Variants in BAK1 observed in about 807,000 individuals in gnomAD.
BAK1 encodes the protein BCL2 antagonist/killer 1.
Under a neutral mutation model 24.7 loss-of-function variants are expected in BAK1, and 19 were observed. That is an observed-to-expected ratio of 0.77 (90% CI 0.54 to 1.13). The LOEUF (loss-of-function observed/expected upper bound fraction) is 1.13, where lower values mean the gene tolerates loss of function less well. Ranked by LOEUF, BAK1 falls within the 50% of genes most tolerant of loss-of-function variation. The probability of loss-of-function intolerance (pLI) is 0.00; values close to 1 mark genes in which losing one functional copy is unlikely to be tolerated. For synonymous variants in BAK1, 86 were observed against 107.3 expected, an observed-to-expected ratio of 0.80 and a Z score of 1.23; for missense variants, 194 against 279.4, an observed-to-expected ratio of 0.69 and a Z score of 2.18.
intron 5 of BAK1, 62 bp from the exon 6 acceptor site, chr6:33,573,969 G>A (rs1201270407): frequency 7.9e-5 from 128 of 1,612,948 alleles, no homozygotes; most frequent in Non-Finnish European, 9.1e-5. Flanking sequence ...CCCGAGGAAG[G>A]GGTGGGGCCT....
chr6:33,574,864 G>T (rs1762817261), intron 4 of BAK1, among the ~76,000 whole-genome samples: 1 of 152,200 alleles, frequency 6.6e-6, no homozygotes, highest in South Asian at 2.1e-4. Flanking sequence ...CAAATATTCG[G>T]TGTCTTTAAC....
rs1762785728 is a variant in BAK1 at position 33,572,860 on chromosome 6, T to C, written c.*943A>G. On this transcript the variant is annotated 3_prime_UTR_variant, in exon 6 of 6. Transcript: ENST00000374467. Reference sequence around the variant, plus strand: ...CCTCTGGGATTCCTAGTGGTGTTGATAGTCCTTCTCCCACTTAGAACCCTC... The same window carrying C: ...CCTCTGGGATTCCTAGTGGTGTTGACAGTCCTTCTCCCACTTAGAACCCTC... 2 of 151,866 alleles carry C rather than the reference T, an allele frequency of 1.3e-5. No homozygotes were observed. The highest frequency in any genetic ancestry group is 4.9e-5 in the African/African-American group (2 of 41,178). The allele number at this position is 151,866 out of a possible 1,614,324, so 9.4% of individuals were successfully genotyped here.
chr6:33,579,691 T>C (rs1762905004), intron 1 of BAK1, among the ~76,000 whole-genome samples: 1 of 152,206 alleles, frequency 6.6e-6, no homozygotes, highest in Non-Finnish European at 1.5e-5. Context: ...GGCCAGGCCC[T>C]GGACCCAGTC....
Position 33,577,442 on chromosome 6 carries a change from C to T in BAK1, c.70+93G>A, listed in dbSNP as rs558472047. 20 of 1,241,170 alleles carry T rather than the reference C, an allele frequency of 1.6e-5. No homozygotes were observed. The highest frequency in any genetic ancestry group is 2.8e-5 in the East Asian group (1 of 35,246). The allele number at this position is 1,241,170 out of a possible 1,614,324, so 76.9% of individuals were successfully genotyped here. ...TATTCCCCACCCACAGTGGGTGAAC[C>T]GAGGCGAAGGAGCCTGCCTGAGTCC... On this transcript the variant is annotated intron_variant, in intron 2 of 5. Transcript: ENST00000374467. This position sits in a 1 kb window ranked among gnomAD's most constrained non-coding sequence, Gnocchi z 4.6.
At chr6:33,574,906 C>A (rs940608732) in intron 4 of BAK1, among the ~76,000 whole-genome samples, 2 of 152,186 alleles carry the variant, frequency 1.3e-5, no homozygotes, top group Admixed American at 6.6e-5. Context: ...CAAGTAGGAG[C>A]CATTTCTAGG....
Position 33,577,668 on chromosome 6 carries a change from G to C in BAK1, c.-31-33C>G. The stretch of plus-strand genomic sequence containing the variant: ...GAAGGGCGAGAAAAAGCAGAGATGG[G>C]GGTGAGCACAGACCTGTGACTGGGG... On this transcript the variant is annotated intron_variant, in intron 1 of 5. Transcript: ENST00000374467. The surrounding 1 kb of genome is among the most constrained non-coding windows in gnomAD (Gnocchi z 4.6). 7.0e-7 allele frequency: 1 copy of C among 1,431,388 alleles called. No individual in the cohort carries two copies. The highest frequency in any genetic ancestry group is 2.5e-5 in the East Asian group (1 of 39,366). The allele number at this position is 1,431,388 out of a possible 1,614,324, so 88.7% of individuals were successfully genotyped here.
rs777335704 is a variant in BAK1, at chr6:33,577,607, T to C, written c.-3A>G. On this transcript the variant is annotated 5_prime_UTR_variant, in exon 2 of 6. Transcript: ENST00000374467. This position sits in a 1 kb window ranked among gnomAD's most constrained non-coding sequence, Gnocchi z 4.6. ...CCTGGGCCTTGCCCCGAAGCCATTT[T>C]TCAGGTCTCAGTGGAGGACGGGATC... 10 of 1,548,704 alleles carry C rather than the reference T, an allele frequency of 6.5e-6. No individual in the cohort carries two copies. Among genetic ancestry groups the C allele is most frequent in the African/African-American group, 5.5e-5 (4 of 72,994 alleles).
Position 33,574,158 on chromosome 6 carries a change from T to C in BAK1, c.407A>G (p.Tyr136Cys), listed in dbSNP as rs1428327139. 6.2e-7 allele frequency: 1 copy of C among 1,614,108 alleles called. No individual in the cohort carries two copies. The highest frequency in any genetic ancestry group is 1.1e-5 in the South Asian group (1 of 91,080). ...CTGGTAGACGTGTAGGGCCAGACGG[T>C]AGCCGAAGCCCAGAAGAGCCACCAC... ...GRVVALLGFG[Y>C]RLALHVYQHG... is the part of the protein sequence containing the mutation. Residue 136 changes from tyrosine (Y) to cysteine (C), a missense_variant, in exon 5 of 6, where the codon TAC (tyrosine) becomes TGC (cysteine). Transcript: ENST00000374467.
chr6:33,575,102 C>T lies in BAK1; in HGVS notation c.350+196G>A, dbSNP rs1762820898. 1.3e-6 allele frequency: 1 copy of T among 772,652 alleles called. No individual in the cohort carries two copies. The highest frequency in any genetic ancestry group is 2.2e-6 in the Non-Finnish European group (1 of 454,730). 47.9% of individuals were successfully genotyped at this position (772,652 alleles called of 1,614,324 possible). ...AGTCAGAGCTCAAAAGAGCTGTGAGCTAATGCCCAAAATACAAGTCTGGGA... is the reference window on the plus strand; with the variant it reads ...AGTCAGAGCTCAAAAGAGCTGTGAGTTAATGCCCAAAATACAAGTCTGGGA... On this transcript the variant is annotated intron_variant, in intron 4 of 5. Transcript: ENST00000374467. This position sits in a 1 kb window ranked among gnomAD's most constrained non-coding sequence, Gnocchi z 6.3.
rs755412880 is a variant in BAK1, at chr6:33,573,792, A to C, written c.*11T>G. On this transcript the variant is annotated 3_prime_UTR_variant, in exon 6 of 6. Coordinates refer to ENST00000374467, the MANE Select transcript of BAK1 (RefSeq NM_001188.4). ...GGTCTGAACCGGGACCCCAAAGGGC[A>C]CCCTTGGGAGTCATGATTTGAAGAA... is the stretch of plus-strand genomic sequence containing the variant. The C allele has an allele frequency of 7.5e-6, 12 of 1,608,318 alleles. No homozygotes were observed. Among genetic ancestry groups the C allele is most frequent in the Non-Finnish European group, 1.0e-5 (12 of 1,174,706 alleles).
At chr6:33,576,662 AC>A (rs1168317930) in intron 2 of BAK1, among the ~76,000 whole-genome samples, 1 of 146,506 alleles carries the variant, frequency 6.8e-6, no homozygotes, top group Non-Finnish European at 1.5e-5. Context: ...AACAACAACA[AC>A]AAAAAAAACA....
Position 33,577,745 on chromosome 6 carries a change from G to T in BAK1, c.-31-110C>A. ...TAGGAGAGAGGATCCCCCATTCCCA[G>T]AAAGGCCCTTAGTCCTCTGGGACTT... On this transcript the variant is annotated intron_variant, in intron 1 of 5. Transcript: ENST00000374467. This position sits in a 1 kb window ranked among gnomAD's most constrained non-coding sequence, Gnocchi z 4.6. 1 of 734,396 alleles carries T rather than the reference G, an allele frequency of 1.4e-6. No homozygotes were observed. The highest frequency in any genetic ancestry group is 2.1e-6 in the Non-Finnish European group (1 of 468,172). 45.5% of individuals were successfully genotyped at this position (734,396 alleles called of 1,614,324 possible).
In BAK1 at chr6:33,577,639, CG is replaced by C. The variant is rs200387920; in HGVS notation, c.-31-5del. 1.7e-3 allele frequency: 2,628 copies of C among 1,523,706 alleles called. 88 individuals are homozygous for C. The East Asian group carries it at 0.06, about 35-fold the overall frequency. 94.4% of individuals were successfully genotyped at this position (1,523,706 alleles called of 1,614,324 possible). A position where few individuals can be genotyped will look rare whatever the true frequency, so the allele number is the denominator to read the frequency against. On this transcript the variant is annotated splice_polypyrimidine_tract_variant and splice_region_variant and intron_variant, in intron 1 of 5. Coordinates refer to ENST00000374467, the MANE Select transcript of BAK1 (RefSeq NM_001188.4). The surrounding 1 kb of genome is among the most constrained non-coding windows in gnomAD (Gnocchi z 4.6). ...CTCAGTGGAGGACGGGATCAGCCTGCGGGGAAGGGCGAGAAAAAGCAGAGAT... is the reference window on the plus strand; with the variant it reads ...CTCAGTGGAGGACGGGATCAGCCTGCGGGAAGGGCGAGAAAAAGCAGAGAT...
intron 4 of BAK1, 187 bp from the exon 5 acceptor site, chr6:33,574,401 G>C: frequency 6.8e-7 from 1 of 1,466,138 alleles, no homozygotes; most frequent in South Asian, 1.2e-5. Flanking sequence ...AGAAAGCTCA[G>C]GGGCAGATGA....
In BAK1 at chr6:33,575,666, AGAG is replaced by A. The variant is rs1762832447; in HGVS notation, c.206+124_206+126del. On this transcript the variant is annotated intron_variant, in intron 3 of 5. Transcript: ENST00000374467. The surrounding 1 kb of genome is among the most constrained non-coding windows in gnomAD (Gnocchi z 6.3). The stretch of plus-strand genomic sequence containing the variant: ...GATGGGGGTGGGAGCCCAACATAAA[AGAG>A]GAGCAACCATGAGAGAAGGGCAAGA... 2 of 1,451,060 alleles carry A rather than the reference AGAG, an allele frequency of 1.4e-6. No individual in the cohort carries two copies. The highest frequency in any genetic ancestry group is 1.4e-5 in the African/African-American group (1 of 70,876). 89.9% of individuals were successfully genotyped at this position (1,451,060 alleles called of 1,614,324 possible).
rs1343488901 is a variant in BAK1, at chr6:33,573,687, T to G, written c.*116A>C. Reference sequence around the variant, plus strand: ...GCCCTCCGAAGCTGGAGTGCACACTTGCTAAAGCTTCTGTACTCTTGAGGG... The same window carrying G: ...GCCCTCCGAAGCTGGAGTGCACACTGGCTAAAGCTTCTGTACTCTTGAGGG... On this transcript the variant is annotated 3_prime_UTR_variant, in exon 6 of 6. Transcript: ENST00000374467. The G allele has an allele frequency of 2.4e-6, 2 of 835,200 alleles. No homozygotes were observed. Among genetic ancestry groups the G allele is most frequent in the Non-Finnish European group, 3.8e-6 (2 of 523,358 alleles). The allele number at this position is 835,200 out of a possible 1,614,324, so 51.7% of individuals were successfully genotyped here.
Position 33,578,936 on chromosome 6 carries a change from AGTGTTTT to A in BAK1, c.-32+1082_-32+1088del, listed in dbSNP as rs1216940812. Among the ~76,000 whole-genome samples the A allele has an allele frequency of 6.6e-6, 1 of 151,660 alleles. No individual in the cohort carries two copies. Among genetic ancestry groups the A allele is most frequent in the African/African-American group, 2.4e-5 (1 of 41,218 alleles). ...CCACCCTCCTTCCGCTAGGCCTGGG[AGTGTTTT>A]CGAAAGTGCCCCAAGAGCTCTCAAG... On this transcript the variant is annotated intron_variant, in intron 1 of 5. Coordinates refer to ENST00000374467, the MANE Select transcript of BAK1 (RefSeq NM_001188.4). This position sits in a 1 kb window ranked among gnomAD's most constrained non-coding sequence, Gnocchi z 4.8.
At position 33,577,215 on chromosome 6, in the gene BAK1, A is replaced by T. The variant is rs965443966; in HGVS notation, c.70+320T>A. On this transcript the variant is annotated intron_variant, in intron 2 of 5. Transcript: ENST00000374467. The surrounding 1 kb of genome is among the most constrained non-coding windows in gnomAD (Gnocchi z 4.6). ...CTTACTTCCTTATTTCTCCCGCTGGAGGGATACAGCAGCCAGGCCCCACTC... is the reference window on the plus strand; with the variant it reads ...CTTACTTCCTTATTTCTCCCGCTGGTGGGATACAGCAGCCAGGCCCCACTC... Among the ~76,000 whole-genome samples the T allele has an allele frequency of 1.3e-5, 2 of 152,074 alleles. No individual in the cohort carries two copies. The highest frequency in any genetic ancestry group is 2.9e-5 in the Non-Finnish European group (2 of 68,000).
At position 33,575,832 on chromosome 6, in the gene BAK1, G is replaced by T; in HGVS notation, c.167C>A (p.Ala56Asp). Reference protein sequence around the residue: ...EQEAEGVAAPADPEMVTLPLQ... With the variant: ...EQEAEGVAAPDDPEMVTLPLQ... The stretch of plus-strand genomic sequence containing the variant: ...AGGTAAGGTGACCATCTCTGGGTCG[G>T]CAGGGGCAGCCACCCCTTCAGCCTC... Residue 56 changes from alanine to aspartate, a missense_variant, in exon 3 of 6, where the codon GCC becomes GAC. Coordinates refer to ENST00000374467, the MANE Select transcript of BAK1 (RefSeq NM_001188.4). The surrounding 1 kb of genome is among the most constrained non-coding windows in gnomAD (Gnocchi z 6.3). 1.2e-6 allele frequency: 2 copies of T among 1,613,684 alleles called. No individual in the cohort carries two copies. Among genetic ancestry groups the T allele is most frequent in the Non-Finnish European group, 1.7e-6 (2 of 1,180,000 alleles).
Sources: gnomAD v4.1 joint callset for allele counts (sites outside exome capture counted in the v4.1 genomes callset) on GRCh38, gnomAD v4.1.1 for gene constraint, Gnocchi (gnomAD v3.1) non-coding constraint, MANE v1.5 for transcripts, NCBI Gene and HGNC (gene_info 2026-07-23, HGNC 2026-07-21) for gene names.